Variants in CLSTN2 observed in about 807,000 individuals in gnomAD.
CLSTN2 encodes calsyntenin-2.
A neutral mutation model predicts 101.2 loss-of-function variants in CLSTN2; 48 were observed. The observed-to-expected ratio is 0.47, with a 90% CI of 0.38 to 0.60. CLSTN2 has a LOEUF of 0.60. CLSTN2 is among the 20% of genes least tolerant of loss of function. The probability of loss-of-function intolerance (pLI) is 0.00; values close to 1 mark genes in which losing one functional copy is unlikely to be tolerated. For synonymous variants in CLSTN2, 481 were observed against 463.6 expected, an observed-to-expected ratio of 1.04 and a Z score of -0.48; for missense variants, 1,160 against 1,238.2, an observed-to-expected ratio of 0.94 and a Z score of 0.95.
At chr3:140,366,277 G>A (rs959319936) in intron 2 of CLSTN2, among the ~76,000 whole-genome samples, 5 of 152,204 alleles carry the variant, frequency 3.3e-5, no homozygotes, top group Admixed American at 1.3e-4. Flanking sequence ...ACACTGTCTG[G>A]GGGTAGGGAG....
At chr3:140,260,145 T>C (rs1046640070) in intron 2 of CLSTN2, among the ~76,000 whole-genome samples, 1 of 148,132 alleles carries the variant, frequency 6.8e-6, no homozygotes, top group African/African-American at 2.5e-5. Context: ...AATATATATA[T>C]ATATATATAT....
At chr3:140,425,993 T>C (rs987234393) in intron 5 of CLSTN2, among the ~76,000 whole-genome samples, 3 of 152,222 alleles carry the variant, frequency 2.0e-5, no homozygotes, top group African/African-American at 7.2e-5. Context: ...GAGGTACCTC[T>C]AGTTTTCAGG....
At chr3:139,950,266 CA>C (rs1935274787) in intron 1 of CLSTN2, among the ~76,000 whole-genome samples, 1 of 152,130 alleles carries the variant, frequency 6.6e-6, no homozygotes, top group Non-Finnish European at 1.5e-5. Context: ...CTTCCTCAAC[CA>C]AACCAAAATC....
At chr3:140,412,938 T>G (rs1429344868) in intron 4 of CLSTN2, among the ~76,000 whole-genome samples, 1 of 152,054 alleles carries the variant, frequency 6.6e-6, no homozygotes, top group Non-Finnish European at 1.5e-5. Flanking sequence ...TGCCTAAATT[T>G]TAAAAGAAGA....
At chr3:140,466,250 A>G (rs527624687) in intron 7 of CLSTN2, among the ~76,000 whole-genome samples, 29 of 152,358 alleles carry the variant, frequency 1.9e-4, no homozygotes, top group Middle Eastern at 3.4e-3. Flanking sequence ...TGATTGGCAT[A>G]TAGCTCCCTA....
chr3:140,215,180 T>C (rs115404643), intron 2 of CLSTN2, among the ~76,000 whole-genome samples: 3,674 of 152,268 alleles, frequency 0.024, 147 homozygotes, highest in African/African-American at 0.082. Context: ...CTTCATCTTC[T>C]TGCCTTGACT....
At chr3:140,011,113 C>T (rs1431369427) in intron 1 of CLSTN2, among the ~76,000 whole-genome samples, 1 of 152,176 alleles carries the variant, frequency 6.6e-6, no homozygotes, top group Non-Finnish European at 1.5e-5. Context: ...TCCACAGGCC[C>T]TCCTGGAAAG....
At chr3:140,484,062 G>A (rs965957103) in intron 8 of CLSTN2, among the ~76,000 whole-genome samples, 25 of 152,146 alleles carry the variant, frequency 1.6e-4, no homozygotes, top group Non-Finnish European at 2.6e-4. Context: ...TAGCCTTGAT[G>A]GTCTTTACAA....
rs191802840 is a variant in CLSTN2, at chr3:140,122,916, G to T, written c.110-53035G>T. On this transcript the variant is annotated intron_variant, in intron 1 of 16. Coordinates refer to ENST00000458420, the MANE Select transcript of CLSTN2 (RefSeq NM_022131.3). ...CAAAAATATGCCATGAGCTGGGTGT[G>T]GCCATTGGGCCAAAGTTTGTCAACA... Among the ~76,000 whole-genome samples the T allele has an allele frequency of 1.1e-3, 160 of 152,262 alleles. 1 individual carries two copies. Among genetic ancestry groups the T allele is most frequent in the African/African-American group, 3.7e-3 (155 of 41,568 alleles).
intron 7 of CLSTN2, among the ~76,000 whole-genome samples, chr3:140,463,365 C>G (rs992064616): frequency 2.0e-5 from 3 of 151,924 alleles, no homozygotes; most frequent in African/African-American, 7.3e-5. Context: ...CAGCAATCAC[C>G]AGGTGAGAGA....
At chr3:140,330,447 A>T (rs2087371863) in intron 2 of CLSTN2, among the ~76,000 whole-genome samples, 1 of 152,198 alleles carries the variant, frequency 6.6e-6, no homozygotes, top group Admixed American at 6.5e-5. Flanking sequence ...TATGCATTTT[A>T]TGTGTTTATT....
chr3:140,099,463 G>A (rs4683798), intron 1 of CLSTN2, among the ~76,000 whole-genome samples: 14,355 of 152,040 alleles, frequency 0.094, 758 homozygotes, highest in East Asian at 0.17. Context: ...TGAATTGAAG[G>A]CCAGCTTGGA....
intron 1 of CLSTN2, among the ~76,000 whole-genome samples, chr3:140,092,186 T>C (rs1371614959): frequency 6.6e-6 from 1 of 152,104 alleles, no homozygotes; most frequent in African/African-American, 2.4e-5. Context: ...TACTTAGAAG[T>C]GTTTAGGAAT....
chr3:140,344,601 C>T (rs1056466595), intron 2 of CLSTN2, among the ~76,000 whole-genome samples: 3 of 152,202 alleles, frequency 2.0e-5, no homozygotes, highest in Non-Finnish European at 2.9e-5. Flanking sequence ...AACTACCGCA[C>T]TCTCTGACTA....
In CLSTN2 at chr3:140,198,197, T is replaced by C. The variant is rs79561324; in HGVS notation, c.232+22124T>C. Among the ~76,000 whole-genome samples the C allele has an allele frequency of 4.1e-3, 620 of 152,314 alleles. 4 individuals carry two copies. The highest frequency in any genetic ancestry group is 0.014 in the African/African-American group (580 of 41,572). On this transcript the variant is annotated intron_variant, in intron 2 of 16. Transcript: ENST00000458420. ...CTTAAATTTTATCTTCTTACTGTAATTAAGTTGCCCATTCTGAACCAGACA... is the reference window on the plus strand; with the variant it reads ...CTTAAATTTTATCTTCTTACTGTAACTAAGTTGCCCATTCTGAACCAGACA...
chr3:140,476,572 C>A (rs1182403585), intron 8 of CLSTN2, among the ~76,000 whole-genome samples: 1 of 152,068 alleles, frequency 6.6e-6, no homozygotes, highest in East Asian at 1.9e-4. Flanking sequence ...ATACTCATAT[C>A]CCTAAATGTT....
chr3:140,384,138 A>G (rs942216676), intron 2 of CLSTN2, among the ~76,000 whole-genome samples: 1 of 152,120 alleles, frequency 6.6e-6, no homozygotes, highest in Non-Finnish European at 1.5e-5. Context: ...ATGAAAAGAA[A>G]ATGAAAGTTG....
chr3:140,227,616 C>T (rs976473100), intron 2 of CLSTN2, among the ~76,000 whole-genome samples: 1 of 152,172 alleles, frequency 6.6e-6, no homozygotes, highest in African/African-American at 2.4e-5. Flanking sequence ...GGCTTAGAAC[C>T]CACATTTCTC....
chr3:140,321,559 A>G (rs150226375), intron 2 of CLSTN2, among the ~76,000 whole-genome samples: 232 of 152,198 alleles, frequency 1.5e-3, no homozygotes, highest in African/African-American at 5.4e-3. Flanking sequence ...CTAATAATGT[A>G]ACACCCCTGC....
Sources: gnomAD v4.1 joint callset for allele counts (sites outside exome capture counted in the v4.1 genomes callset) on GRCh38, gnomAD v4.1.1 for gene constraint, MANE v1.5 for transcripts, NCBI Gene and HGNC (gene_info 2026-07-23, HGNC 2026-07-21) for gene names.